Variants in HTRA1 observed in about 807,000 individuals in gnomAD.
The protein encoded by HTRA1 is HtrA serine peptidase 1.
A neutral mutation model predicts 49.7 loss-of-function variants in HTRA1; 26 were observed. The observed-to-expected ratio is 0.52, with a 90% CI of 0.38 to 0.73. The LOEUF (loss-of-function observed/expected upper bound fraction) is 0.73, where lower values mean the gene tolerates loss of function less well. Ranked by LOEUF, HTRA1 falls within the 30% of genes least tolerant of loss-of-function variation. The pLI is 0.00. For missense variants in HTRA1, 561 were observed against 667.2 expected (o/e 0.84, Z 1.75); for synonymous variants, 291 against 286.9 (o/e 1.01, Z -0.14).
At chr10:122,511,843 A>T (rs1022680658) in intron 7 of HTRA1, 127 bp from the exon 8 acceptor site, 19 of 702,870 alleles carry the variant, frequency 2.7e-5, no homozygotes, top group Non-Finnish European at 4.9e-5. Context: ...TTAAAATAGG[A>T]TCAGAATTCC....
intron 6 of HTRA1, 43 bp from the exon 7 acceptor site, chr10:122,510,053 C>G: frequency 1.3e-6 from 2 of 1,578,390 alleles, no homozygotes; most frequent in Non-Finnish European, 1.7e-6. Flanking sequence ...AGCACCCCCA[C>G]CAACTGGGCT....
chr10:122,511,664 T>C (rs929645676), intron 7 of HTRA1, among the ~76,000 whole-genome samples: 1 of 151,352 alleles, frequency 6.6e-6, no homozygotes, highest in South Asian at 2.1e-4. Context: ...ACCCGGGATA[T>C]GTAGGTTGCA....
chr10:122,475,388 C>T (rs1244460900), intron 1 of HTRA1, among the ~76,000 whole-genome samples: 1 of 152,220 alleles, frequency 6.6e-6, no homozygotes, highest in South Asian at 2.1e-4. Context: ...GCTCCCGGCT[C>T]CCCCGCCTCT....
chr10:122,463,822 G>A (rs1330821625), intron 1 of HTRA1, among the ~76,000 whole-genome samples: 2 of 152,206 alleles, frequency 1.3e-5, no homozygotes, highest in Admixed American at 6.5e-5. Flanking sequence ...TAAATTTCCT[G>A]GTGGGCTGGA....
chr10:122,508,440 C>T (rs978853787), intron 5 of HTRA1, among the ~76,000 whole-genome samples: 1 of 152,250 alleles, frequency 6.6e-6, no homozygotes, highest in African/African-American at 2.4e-5. Context: ...CAGTGCCGAC[C>T]TGGAGTATGT....
rs1344028504 is a variant in HTRA1, at chr10:122,506,158, G to A, written c.778-533G>A. Among the ~76,000 whole-genome samples the A allele has an allele frequency of 1.3e-5, 2 of 150,970 alleles. No homozygotes were observed. The highest frequency in any genetic ancestry group is 4.9e-5 in the African/African-American group (2 of 40,972). ...GTGTGGCCCTGTACTCAGCATAGGCGTGCACCTGAGTCAGTACAGTTCCCT... is the reference window on the plus strand; with the variant it reads ...GTGTGGCCCTGTACTCAGCATAGGCATGCACCTGAGTCAGTACAGTTCCCT... On this transcript the variant is annotated intron_variant, in intron 3 of 8. Transcript: ENST00000368984. This position sits in a 1 kb window ranked among gnomAD's most constrained non-coding sequence, Gnocchi z 5.2.
intron 1 of HTRA1, among the ~76,000 whole-genome samples, chr10:122,469,265 T>G (rs2097485105): frequency 6.6e-6 from 1 of 152,192 alleles, no homozygotes. Flanking sequence ...GTAGAATTCC[T>G]TCTCACATAG....
At chr10:122,462,340 A>T (rs1311836726) in intron 1 of HTRA1, among the ~76,000 whole-genome samples, 8 of 152,198 alleles carry the variant, frequency 5.3e-5, no homozygotes, top group Non-Finnish European at 8.8e-5. Context: ...CTGCGCCCAG[A>T]CGATGCCAGT....
chr10:122,479,225 C>T (rs1157275086), intron 1 of HTRA1, among the ~76,000 whole-genome samples: 3 of 152,200 alleles, frequency 2.0e-5, no homozygotes, highest in African/African-American at 7.2e-5. Context: ...CCTGATCTCA[C>T]CGAGTGTGAA....
chr10:122,512,190 C>A, intron 8 of HTRA1, 125 bp downstream of exon 8: 1 of 797,954 alleles, frequency 1.3e-6, no homozygotes, highest in Non-Finnish European at 2.2e-6. Context: ...CAGACGTGGT[C>A]GGACGTTGCT....
chr10:122,469,737 C>T (rs1206924154), intron 1 of HTRA1, among the ~76,000 whole-genome samples: 1 of 152,174 alleles, frequency 6.6e-6, no homozygotes, highest in Non-Finnish European at 1.5e-5. Context: ...TTAGCTGTAA[C>T]TTGTCCAAGG....
At chr10:122,467,535 C>T (rs1044015262) in intron 1 of HTRA1, among the ~76,000 whole-genome samples, 1 of 152,262 alleles carries the variant, frequency 6.6e-6, no homozygotes. Context: ...ATGGTTAAAG[C>T]CAAGGCTGGC....
chr10:122,504,648 T>C (rs976942676), intron 3 of HTRA1, among the ~76,000 whole-genome samples: 6 of 152,202 alleles, frequency 3.9e-5, no homozygotes, highest in African/African-American at 1.4e-4. Context: ...GGGATGGCAG[T>C]GTCCCTGGTG....
At chr10:122,503,118 T>C (rs1591038555) in intron 3 of HTRA1, among the ~76,000 whole-genome samples, 1 of 152,312 alleles carries the variant, frequency 6.6e-6, no homozygotes, top group East Asian at 1.9e-4. Context: ...GGTGCTTTGC[T>C]GTGGGTGGCG....
chr10:122,499,653 G>A (rs1351790607), intron 3 of HTRA1, among the ~76,000 whole-genome samples: 1 of 152,174 alleles, frequency 6.6e-6, no homozygotes, highest in Non-Finnish European at 1.5e-5. Context: ...GACATCCCCC[G>A]TAAACAACCC....
intron 1 of HTRA1, among the ~76,000 whole-genome samples, chr10:122,477,779 G>A (rs866703271): frequency 2.0e-5 from 3 of 151,866 alleles, no homozygotes; most frequent in Middle Eastern, 3.4e-3. Flanking sequence ...TTTCATGGTC[G>A]AGAGGTTGCT....
Position 122,507,294 on chromosome 10 carries a change from A to G in HTRA1, c.973-76A>G, listed in dbSNP as rs111698650. The G allele has an allele frequency of 1.5e-3, 1,796 of 1,215,842 alleles. 27 individuals carry two copies. In the African/African-American group the frequency reaches 0.024, roughly 16 times the overall value. 75.3% of individuals were successfully genotyped at this position (1,215,842 alleles called of 1,614,324 possible). On this transcript the variant is annotated intron_variant, in intron 4 of 8. Transcript: ENST00000368984. Reference sequence around the variant, plus strand: ...CCCCACTCTAGGCACCGTGCTCAGGAAACGACCAGGCAGGGACATAGATTG... The same window carrying G: ...CCCCACTCTAGGCACCGTGCTCAGGGAACGACCAGGCAGGGACATAGATTG...
intron 1 of HTRA1, 57 bp downstream of exon 1, chr10:122,462,181 C>T: frequency 7.2e-7 from 1 of 1,391,970 alleles, no homozygotes. Flanking sequence ...CTCGGACCTG[C>T]TTCTGCGGGA....
chr10:122,513,507 C>T (rs2097506531), intron 8 of HTRA1, among the ~76,000 whole-genome samples: 1 of 151,230 alleles, frequency 6.6e-6, no homozygotes, highest in African/African-American at 2.4e-5. Flanking sequence ...CTAAAAATCT[C>T]AAAAGGAGCC....
Sources: gnomAD v4.1 joint callset for allele counts (sites outside exome capture counted in the v4.1 genomes callset) on GRCh38, gnomAD v4.1.1 for gene constraint, Gnocchi (gnomAD v3.1) non-coding constraint, MANE v1.5 for transcripts, NCBI Gene and HGNC (gene_info 2026-07-23, HGNC 2026-07-21) for gene names.